Variants in BPTF observed in about 807,000 individuals in gnomAD.
The protein encoded by BPTF is bromodomain PHD finger transcription factor.
In BPTF, 18 loss-of-function variants were observed where a neutral mutation model predicts 292.5. That is an observed-to-expected ratio of 0.06 (90% confidence interval 0.04 to 0.09). The LOEUF (loss-of-function observed/expected upper bound fraction) is 0.09. Among genes scored for constraint, BPTF ranks in the 10% least tolerant of loss-of-function variants. The probability of loss-of-function intolerance (pLI) is 1.00; values close to 1 mark genes in which losing one functional copy is unlikely to be tolerated. For synonymous variants in BPTF, 1,225 were observed against 1,251.9 expected (o/e 0.98, Z 0.45); for missense variants, 2,726 against 3,498.7 (o/e 0.78, Z 5.57).
intron 21 of BPTF, among the ~76,000 whole-genome samples, chr17:67,946,648 A>G (rs1365548654): frequency 2.0e-5 from 3 of 152,248 alleles, no homozygotes; most frequent in Non-Finnish European, 2.9e-5. Flanking sequence ...GCCACTTCAG[A>G]CATTATAGCA....
chr17:67,980,016 G>C (rs2070144333), intron 27 of BPTF, among the ~76,000 whole-genome samples: 1 of 150,308 alleles, frequency 6.7e-6, no homozygotes, highest in Admixed American at 6.6e-5. Context: ...TGGGCAACAA[G>C]AGTGAGACTC....
intron 4 of BPTF, among the ~76,000 whole-genome samples, chr17:67,880,954 T>TAC (rs370583774): frequency 0.11 from 11,157 of 98,568 alleles, 1,421 homozygotes; most frequent in African/African-American, 0.28. Flanking sequence ...ATATTATATA[T>TAC]ATATACACAC....
rs1304513793 is a variant in BPTF at position 67,854,913 on chromosome 17, T to C, written c.1436+151T>C. The C allele has an allele frequency of 3.1e-6, 2 of 644,218 alleles. No homozygotes were observed. The highest frequency in any genetic ancestry group is 2.1e-5 in the South Asian group (1 of 47,954). 39.9% of individuals were successfully genotyped at this position (644,218 alleles called of 1,614,324 possible). A position where few individuals can be genotyped will look rare whatever the true frequency, so the allele number is the denominator to read the frequency against. On this transcript the variant is annotated intron_variant, in intron 2 of 27. Coordinates refer to ENST00000306378, the MANE Select transcript of BPTF (RefSeq NM_182641.4). This position sits in a 1 kb window ranked among gnomAD's most constrained non-coding sequence, Gnocchi z 5.6. Reference sequence around the variant, plus strand: ...AAATAATTTCTTAATTGAAGGAATATGTGCATTAAAATAGCTTTTAAGAAG... The same window carrying C: ...AAATAATTTCTTAATTGAAGGAATACGTGCATTAAAATAGCTTTTAAGAAG...
chr17:67,937,312 C>G (rs1294966057), intron 18 of BPTF, among the ~76,000 whole-genome samples: 9 of 151,402 alleles, frequency 5.9e-5, no homozygotes, highest in African/African-American at 2.2e-4. Context: ...AAAAAATTAG[C>G]TGGGCATCAT....
chr17:67,872,869 C>T (rs930060150), intron 3 of BPTF, among the ~76,000 whole-genome samples: 2 of 152,146 alleles, frequency 1.3e-5, no homozygotes, highest in South Asian at 2.1e-4. Flanking sequence ...GGCCAAGGCA[C>T]GGGGGAGTTC....
intron 1 of BPTF, among the ~76,000 whole-genome samples, chr17:67,851,352 G>A (rs969771862): frequency 6.6e-6 from 1 of 150,408 alleles, no homozygotes; most frequent in African/African-American, 2.5e-5. Context: ...CTGGATGAAC[G>A]CCTCAAGGGG....
intron 23 of BPTF, chr17:67,955,407 A>G (rs2066834771): frequency 6.6e-6 from 1 of 151,282 alleles, no homozygotes; most frequent in Non-Finnish European, 1.5e-5. Context: ...TTCAGGTACA[A>G]ATGGACCTTA....
chr17:67,899,229 A>G (rs1181969259), intron 7 of BPTF, among the ~76,000 whole-genome samples: 2 of 152,100 alleles, frequency 1.3e-5, no homozygotes, highest in Non-Finnish European at 2.9e-5. Flanking sequence ...TCAGTGGGGG[A>G]AAACAGTCCT....
At chr17:67,884,801 A>AT (rs562136759) in intron 4 of BPTF, among the ~76,000 whole-genome samples, 113 of 146,344 alleles carry the variant, frequency 7.7e-4, no homozygotes, top group African/African-American at 1.4e-3. Flanking sequence ...GTAATTTAGT[A>AT]TTTTTTTTTT....
chr17:67,921,002 T>G (rs917493872), intron 13 of BPTF, among the ~76,000 whole-genome samples: 2 of 150,746 alleles, frequency 1.3e-5, no homozygotes, highest in Non-Finnish European at 3.0e-5. Context: ...AGTCCAGGAG[T>G]TCGAGCCCAG....
At chr17:67,959,925 T>A in intron 24 of BPTF, 50 bp downstream of exon 24, 1 of 1,338,060 alleles carries the variant, frequency 7.5e-7, no homozygotes. Context: ...AGTTTAGCTA[T>A]TAAATTGGAT....
At chr17:67,852,896 C>T (rs966572259) in intron 1 of BPTF, among the ~76,000 whole-genome samples, 1 of 152,154 alleles carries the variant, frequency 6.6e-6, no homozygotes, top group Non-Finnish European at 1.5e-5. Flanking sequence ...GGCACTTTGG[C>T]AGGCCGAGGT....
chr17:67,959,437 T>C, intron 23 of BPTF, 104 bp from the exon 24 acceptor site: 1 of 894,430 alleles, frequency 1.1e-6, no homozygotes, highest in Non-Finnish European at 1.6e-6. Context: ...TAGGCTGAAC[T>C]GTGGAGCTAC....
At chr17:67,835,769 C>T (rs1206491215) in intron 1 of BPTF, among the ~76,000 whole-genome samples, 1 of 151,870 alleles carries the variant, frequency 6.6e-6, no homozygotes, top group African/African-American at 2.4e-5. Flanking sequence ...GGGTTCACGC[C>T]ATTCTCTTGC....
chr17:67,830,745 A>G (rs12602556), intron 1 of BPTF, among the ~76,000 whole-genome samples: 31,016 of 152,072 alleles, frequency 0.2, 3,979 homozygotes, highest in East Asian at 0.66. Context: ...GAAATAAACC[A>G]AAGCTCCTTT....
At chr17:67,953,065 C>T (rs1353424679) in intron 23 of BPTF, among the ~76,000 whole-genome samples, 2 of 151,182 alleles carry the variant, frequency 1.3e-5, no homozygotes, top group African/African-American at 2.4e-5. Flanking sequence ...GGGTTCACGC[C>T]AGTCTCCTGC....
At chr17:67,974,768 C>T (rs1381661658) in intron 26 of BPTF, 3 of 152,450 alleles carry the variant, frequency 2.0e-5, no homozygotes, top group African/African-American at 7.2e-5. Flanking sequence ...TGGAGTCTCC[C>T]ATGCCCTCTC....
At chr17:67,915,433 C>A (rs1414053506) in intron 11 of BPTF, among the ~76,000 whole-genome samples, 1 of 152,206 alleles carries the variant, frequency 6.6e-6, no homozygotes, top group African/African-American at 2.4e-5. Flanking sequence ...CCTTTACAAC[C>A]CATCCAGTAC....
At chr17:67,941,704 C>T (rs2065380136) in intron 19 of BPTF, among the ~76,000 whole-genome samples, 1 of 152,154 alleles carries the variant, frequency 6.6e-6, no homozygotes, top group Admixed American at 6.5e-5. Context: ...CCTCACTCTA[C>T]ATAAACTCAA....
Sources: gnomAD v4.1 joint callset for allele counts (sites outside exome capture counted in the v4.1 genomes callset) on GRCh38, gnomAD v4.1.1 for gene constraint, Gnocchi (gnomAD v3.1) non-coding constraint, MANE v1.5 for transcripts, NCBI Gene and HGNC (gene_info 2026-07-23, HGNC 2026-07-21) for gene names.